ASAP1: variants seen among roughly 807,000 people sequenced by gnomAD.
ASAP1 encodes the protein arf-GAP with SH3 domain, ANK repeat and PH domain-containing protein 1.
In ASAP1, 43 loss-of-function variants were observed where a neutral mutation model predicts 145.2. That is an observed-to-expected ratio of 0.30 (90% CI 0.23 to 0.38). ASAP1 has a LOEUF of 0.38. ASAP1 is among the 10% of genes least tolerant of loss of function. The pLI is 1.00. For synonymous variants in ASAP1, 546 were observed against 515.5 expected (o/e 1.06, Z -0.80); for missense variants, 1,018 against 1,355.3 (o/e 0.75, Z 3.91).
chr8:130,388,464 T>TA (rs1828126394), intron 2 of ASAP1, among the ~76,000 whole-genome samples: 1 of 152,196 alleles, frequency 6.6e-6, no homozygotes, highest in Admixed American at 6.5e-5. Context: ...ATGGGGATAT[T>TA]AATTAGGCAT....
intron 2 of ASAP1, among the ~76,000 whole-genome samples, chr8:130,374,669 C>T (rs1243496336): frequency 6.6e-6 from 1 of 152,192 alleles, no homozygotes; most frequent in Non-Finnish European, 1.5e-5. Context: ...ACTTGCTTCC[C>T]GATGGGGAAG....
chr8:130,441,768 C>G (rs983263336), intron 1 of ASAP1, among the ~76,000 whole-genome samples: 12 of 152,146 alleles, frequency 7.9e-5, no homozygotes, highest in African/African-American at 2.9e-4. Context: ...CACCAAATGG[C>G]AAGCTTGCGA....
chr8:130,276,740 T>A (rs866461532), intron 3 of ASAP1, among the ~76,000 whole-genome samples: 15 of 148,224 alleles, frequency 1.0e-4, no homozygotes, highest in Admixed American at 2.7e-4. Flanking sequence ...TCTCTCTCTC[T>A]CTCTCTCTCT....
chr8:130,090,163 A>G (rs1182822859), intron 25 of ASAP1, among the ~76,000 whole-genome samples: 1 of 152,254 alleles, frequency 6.6e-6, no homozygotes, highest in African/African-American at 2.4e-5. Context: ...TGAAAATCTA[A>G]AAAAGTGATG....
chr8:130,367,436 A>T (rs879936845), intron 2 of ASAP1, among the ~76,000 whole-genome samples: 1 of 152,248 alleles, frequency 6.6e-6, no homozygotes, highest in Non-Finnish European at 1.5e-5. Context: ...TTTTATGAGC[A>T]CTTTTCAAAG....
Position 130,188,193 on chromosome 8 carries a change from C to T in ASAP1, c.406-10G>A. 1 of 1,610,090 alleles carries T rather than the reference C, an allele frequency of 6.2e-7. No individual in the cohort carries two copies. Among genetic ancestry groups the T allele is most frequent in the Non-Finnish European group, 8.5e-7 (1 of 1,176,650 alleles). ...GGCTCAAACCCTGGAGCTGAAAAAG[C>T]AAAGGGAAGATGGGAGATGGTTAAA... is the stretch of plus-strand genomic sequence containing the variant. On this transcript the variant is annotated splice_polypyrimidine_tract_variant and intron_variant, in intron 5 of 29. Transcript: ENST00000518721.
chr8:130,112,004 T>C, intron 24 of ASAP1, 90 bp downstream of exon 24: 4 of 1,277,206 alleles, frequency 3.1e-6, no homozygotes. Flanking sequence ...CTTGCAATTC[T>C]TACCTCAAAG....
chr8:130,402,892 T>G lies in ASAP1; in HGVS notation c.-27-922A>C, dbSNP rs1294805870. Among the ~76,000 whole-genome samples, 3 of 150,576 alleles carry G rather than the reference T, an allele frequency of 2.0e-5. No individual in the cohort carries two copies. The East Asian group carries it at 5.8e-4, about 29-fold the overall frequency. On this transcript the variant is annotated intron_variant, in intron 1 of 29. Coordinates refer to ENST00000518721, the MANE Select transcript of ASAP1 (RefSeq NM_018482.4). ...TCTCCCTCTGAAATCTAGTCTTCCA[T>G]GCTGAAAGCAGAATAATCTTTTGTG...
chr8:130,442,820 T>C (rs1036330367), intron 1 of ASAP1, among the ~76,000 whole-genome samples: 3 of 152,126 alleles, frequency 2.0e-5, no homozygotes, highest in African/African-American at 4.8e-5. Context: ...TCTTTTTTCT[T>C]TGAAACTTCA....
chr8:130,408,374 C>T (rs1238095176), intron 1 of ASAP1, among the ~76,000 whole-genome samples: 1 of 152,184 alleles, frequency 6.6e-6, no homozygotes, highest in African/African-American at 2.4e-5. Context: ...ATTAATAGAA[C>T]AGAAAGTAGC....
At chr8:130,070,314 G>A (rs868434265) in intron 27 of ASAP1, among the ~76,000 whole-genome samples, 2 of 152,124 alleles carry the variant, frequency 1.3e-5, no homozygotes, top group Non-Finnish European at 2.9e-5. Flanking sequence ...TGGGATTACA[G>A]GCGTGAGCCA....
rs398047411 is a variant in ASAP1 at position 130,080,478 on chromosome 8, C to CTT, written c.2573-509_2573-508dup. The stretch of plus-strand genomic sequence containing the variant: ...TACTGACTCGTCATTCATTCTCTCT[C>CTT]TTTTTTTTTTTTTTTTTGAGACAGT... On this transcript the variant is annotated intron_variant, in intron 25 of 29. Transcript: ENST00000518721. Among the ~76,000 whole-genome samples, 79 of 71,162 alleles carry CTT rather than the reference C, an allele frequency of 1.1e-3. 1 individual carries two copies. Among genetic ancestry groups the CTT allele is most frequent in the Non-Finnish European group, 1.3e-3 (44 of 32,830 alleles). The allele number at this position is 71,162 out of a possible 152,430, so 46.7% of individuals were successfully genotyped here.
At chr8:130,124,139 A>C (rs1303317962) in intron 17 of ASAP1, 35 bp from the exon 18 acceptor site, 6 of 1,428,926 alleles carry the variant, frequency 4.2e-6, no homozygotes, top group Non-Finnish European at 5.8e-6. Flanking sequence ...ACAATATAGC[A>C]AACTCTTTGC....
At chr8:130,175,618 T>A (rs1258365408) in intron 9 of ASAP1, among the ~76,000 whole-genome samples, 1 of 152,214 alleles carries the variant, frequency 6.6e-6, no homozygotes, top group Admixed American at 6.5e-5. Flanking sequence ...GGTTGTCTTT[T>A]ACTTTCTTGA....
chr8:130,263,880 G>C (rs983092627), intron 3 of ASAP1, among the ~76,000 whole-genome samples: 1 of 152,220 alleles, frequency 6.6e-6, no homozygotes, highest in Non-Finnish European at 1.5e-5. Context: ...TGAGGAAACC[G>C]AGGTTCAGAG....
At chr8:130,181,527 A>G (rs1189965891) in intron 7 of ASAP1, among the ~76,000 whole-genome samples, 1 of 152,218 alleles carries the variant, frequency 6.6e-6, no homozygotes, top group African/African-American at 2.4e-5. Context: ...AGTCAAAGGT[A>G]ATTTCCAACA....
At chr8:130,321,558 G>C (rs1221111741) in intron 3 of ASAP1, among the ~76,000 whole-genome samples, 1 of 152,004 alleles carries the variant, frequency 6.6e-6, no homozygotes, top group Non-Finnish European at 1.5e-5. Flanking sequence ...TAGAAGTCAG[G>C]GGGTGCATCC....
At chr8:130,289,495 A>C (rs954695399) in intron 3 of ASAP1, among the ~76,000 whole-genome samples, 2 of 152,228 alleles carry the variant, frequency 1.3e-5, no homozygotes, top group African/African-American at 4.8e-5. Flanking sequence ...AGAATACCCC[A>C]AATCCTTAGG....
rs61663506 is a variant in ASAP1 at position 130,072,832 on chromosome 8, G to GC, written c.2701+3515_2701+3516insG. 3.4e-4 allele frequency among the ~76,000 whole-genome samples: 4 copies of GC among 11,732 alleles called. 1 individual carries two copies. Among genetic ancestry groups the GC allele is most frequent in the Non-Finnish European group, 6.2e-4 (4 of 6,456 alleles). 7.7% of individuals were successfully genotyped at this position (11,732 alleles called of 152,430 possible). ...GTGTGTGTGTGTGTGTGTGCGCGCGGGGGGGGGCAGTTTTGGGGACTGAGC... is the reference window on the plus strand; with the variant it reads ...GTGTGTGTGTGTGTGTGTGCGCGCGGCGGGGGGGCAGTTTTGGGGACTGAGC... On this transcript the variant is annotated intron_variant, in intron 27 of 29. Transcript: ENST00000518721.
Sources: allele counts gnomAD v4.1 joint callset (sites outside exome capture counted in the v4.1 genomes callset), GRCh38; gene constraint gnomAD v4.1.1; transcripts MANE v1.5; gene names NCBI Gene and HGNC (gene_info 2026-07-23, HGNC 2026-07-21).